The following QSER1 variants were observed in gnomAD, a reference collection of about 807,000 sequenced individuals.
QSER1 encodes the protein glutamine and serine rich 1, also known as glutamine and serine-rich protein 1.
Under a neutral mutation model 158.5 loss-of-function variants are expected in QSER1, and 49 were observed. The observed-to-expected ratio is 0.31, with a 90% confidence interval of 0.25 to 0.39. QSER1 has a LOEUF of 0.39. Among genes scored for constraint, QSER1 ranks in the 10% least tolerant of loss-of-function variants. The probability of loss-of-function intolerance (pLI) is 1.00; values close to 1 mark genes in which losing one functional copy is unlikely to be tolerated. For synonymous variants in QSER1, 650 were observed against 715.5 expected (o/e 0.91, Z 1.46); for missense variants, 1,754 against 2,010.3 (o/e 0.87, Z 2.44).
intron 3 of QSER1, among the ~76,000 whole-genome samples, chr11:32,931,327 C>T (rs1370116340): frequency 6.6e-6 from 1 of 152,068 alleles, no homozygotes; most frequent in African/African-American, 2.4e-5. Context: ...CACCTATAAT[C>T]CCATCACTTT....
intron 1 of QSER1, among the ~76,000 whole-genome samples, chr11:32,906,505 C>A (rs150238856): frequency 6.6e-6 from 1 of 152,182 alleles, no homozygotes; most frequent in African/African-American, 2.4e-5. Flanking sequence ...CTCAAGTGAT[C>A]CTCCCACCTC....
At chr11:32,910,876 C>G (rs893947237) in intron 1 of QSER1, among the ~76,000 whole-genome samples, 2 of 152,136 alleles carry the variant, frequency 1.3e-5, no homozygotes, top group African/African-American at 4.8e-5. Context: ...CTTTATTGTT[C>G]CAGTTGGCTT....
chr11:32,943,193 A>G (rs985094513), intron 4 of QSER1, among the ~76,000 whole-genome samples: 15 of 152,216 alleles, frequency 9.9e-5, no homozygotes, highest in African/African-American at 3.1e-4. Flanking sequence ...GGACAATTTG[A>G]CTTCCTCTTT....
intron 9 of QSER1, among the ~76,000 whole-genome samples, chr11:32,967,535 T>C (rs1022339547): frequency 1.3e-5 from 2 of 152,208 alleles, no homozygotes; most frequent in South Asian, 2.1e-4. Flanking sequence ...TATGGCATTA[T>C]AGTCTTATGG....
At chr11:32,976,005 C>A (rs753363054) in intron 12 of QSER1, among the ~76,000 whole-genome samples, 3 of 152,176 alleles carry the variant, frequency 2.0e-5, no homozygotes, top group Non-Finnish European at 4.4e-5. Context: ...ATAAATCTAA[C>A]CTTTATATAG....
At chr11:32,957,737 G>T in intron 7 of QSER1, 132 bp from the exon 8 acceptor site, 1 of 745,240 alleles carries the variant, frequency 1.3e-6, no homozygotes, top group Non-Finnish European at 2.2e-6. Flanking sequence ...TATAGGACTT[G>T]GACTGTATAT....
At chr11:32,913,246 C>T (rs1851791495) in intron 1 of QSER1, among the ~76,000 whole-genome samples, 1 of 137,912 alleles carries the variant, frequency 7.3e-6, no homozygotes, top group East Asian at 2.1e-4. Context: ...GCTGGAGTGC[C>T]GTGGCGCGAT....
At chr11:32,900,419 C>T (rs1472060379) in intron 1 of QSER1, among the ~76,000 whole-genome samples, 1 of 152,074 alleles carries the variant, frequency 6.6e-6, no homozygotes, top group Non-Finnish European at 1.5e-5. Flanking sequence ...ATCAGCTGGG[C>T]ATGGTGGCAG....
At chr11:32,963,433 G>GCAAT (rs1188482746) in intron 8 of QSER1, among the ~76,000 whole-genome samples, 3 of 151,722 alleles carry the variant, frequency 2.0e-5, no homozygotes, top group Non-Finnish European at 4.4e-5. Flanking sequence ...TCGGCTCACT[G>GCAAT]CACCGCCTCC....
chr11:32,970,180 C>T (rs956902660), intron 10 of QSER1, among the ~76,000 whole-genome samples: 13 of 152,172 alleles, frequency 8.5e-5, no homozygotes, highest in African/African-American at 2.2e-4. Context: ...AACTTGTTCA[C>T]ATCCCTGTTT....
chr11:32,931,679 A>T, intron 3 of QSER1, 64 bp from the exon 4 acceptor site: 1 of 1,287,258 alleles, frequency 7.8e-7, no homozygotes, highest in Non-Finnish European at 1.1e-6. Flanking sequence ...GTAAGTCATT[A>T]CTATGAAAAC....
chr11:32,907,833 C>A (rs933958224), intron 1 of QSER1, among the ~76,000 whole-genome samples: 1 of 152,184 alleles, frequency 6.6e-6, no homozygotes, highest in Non-Finnish European at 1.5e-5. Flanking sequence ...CACGGTGGCT[C>A]ATGCCTGTAG....
At chr11:32,973,316 C>G (rs1398052581) in intron 10 of QSER1, 81 bp from the exon 11 acceptor site, 1 of 1,448,362 alleles carries the variant, frequency 6.9e-7, no homozygotes, top group East Asian at 2.3e-5. Flanking sequence ...TGTGCACACA[C>G]ACTTCTAAAT....
chr11:32,958,171 G>A, intron 8 of QSER1, 85 bp downstream of exon 8: 3 of 1,079,628 alleles, frequency 2.8e-6, no homozygotes, highest in Middle Eastern at 2.1e-4. Flanking sequence ...AATTCAAAAT[G>A]TATTTACTTT....
At chr11:32,944,892 A>G (rs1590173269) in intron 4 of QSER1, among the ~76,000 whole-genome samples, 1 of 137,250 alleles carries the variant, frequency 7.3e-6, no homozygotes, top group South Asian at 2.6e-4. Flanking sequence ...TAGGTCACTC[A>G]GGACTTGCTT....
intron 1 of QSER1, among the ~76,000 whole-genome samples, chr11:32,918,625 A>G (rs1475602346): frequency 6.6e-6 from 1 of 151,350 alleles, no homozygotes; most frequent in Non-Finnish European, 1.5e-5. Context: ...GCCGTTGGAA[A>G]GTTTTTCATG....
intron 4 of QSER1, among the ~76,000 whole-genome samples, chr11:32,941,188 G>T (rs1409091497): frequency 6.8e-6 from 1 of 147,662 alleles, no homozygotes; most frequent in Non-Finnish European, 1.5e-5. Context: ...GGGGTTCTTT[G>T]TCTGTTTCCT....
rs1265508316 is a variant in QSER1, at chr11:32,976,679, A to G, written c.*205A>G. The G allele has an allele frequency of 8.1e-6, 4 of 496,546 alleles. No individual in the cohort carries two copies. In the African/African-American group the frequency reaches 8.2e-5, roughly 10 times the overall value. 30.8% of individuals were successfully genotyped at this position (496,546 alleles called of 1,614,324 possible). ...TGGAAATGGACCTAAATCCCACCAC[A>G]TTTTTACCCTAATGAATGATTTTTC... On this transcript the variant is annotated 3_prime_UTR_variant, in exon 13 of 13. Coordinates refer to ENST00000650167, the MANE Select transcript of QSER1 (RefSeq NM_001076786.3).
At chr11:32,894,998 T>C (rs972984597) in intron 1 of QSER1, among the ~76,000 whole-genome samples, 3 of 152,260 alleles carry the variant, frequency 2.0e-5, no homozygotes, top group Admixed American at 6.5e-5. Flanking sequence ...GCATTTTTTA[T>C]CTTTTAAATG....
Sources: allele counts gnomAD v4.1 joint callset (sites outside exome capture counted in the v4.1 genomes callset), GRCh38; gene constraint gnomAD v4.1.1; transcripts MANE v1.5; gene names NCBI Gene and HGNC (gene_info 2026-07-23, HGNC 2026-07-21).